AAK1: variants seen among roughly 807,000 people sequenced by gnomAD.
The protein encoded by AAK1 is AP2 associated kinase 1.
AAK1 carries 37 observed loss-of-function variants against 116.0 expected under a neutral mutation model. The observed-to-expected ratio is 0.32, with a 90% CI of 0.25 to 0.42. The LOEUF is 0.42. Ranked by LOEUF, AAK1 falls within the 10% of genes least tolerant of loss-of-function variation. The pLI, the probability that AAK1 is intolerant of heterozygous loss-of-function variation, is 1.00. For synonymous variants in AAK1, 458 were observed against 439.9 expected, an observed-to-expected ratio of 1.04 and a Z score of -0.51; for missense variants, 919 against 1,170.6, an observed-to-expected ratio of 0.79 and a Z score of 3.14.
chr2:69,589,708 C>CAAAAAA (rs762986666), intron 2 of AAK1, among the ~76,000 whole-genome samples: 1 of 58,668 alleles, frequency 1.7e-5, no homozygotes, highest in African/African-American at 5.3e-5. Context: ...AACTCTGTCT[C>CAAAAAA]AAAAAAAAAA....
rs1395100969 is a variant in AAK1 at position 69,525,014 on chromosome 2, T to C, written c.1055+19A>G. 4 of 1,610,984 alleles carry C rather than the reference T, an allele frequency of 2.5e-6. No individual in the cohort carries two copies. In the African/African-American group the frequency reaches 4.0e-5, roughly 16 times the overall value. Reference sequence around the variant, plus strand: ...GTGGCAATCCAAGGAGGACATGTGTTCATGAAGGCATTTCTTACCTGGCCT... The same window carrying C: ...GTGGCAATCCAAGGAGGACATGTGTCCATGAAGGCATTTCTTACCTGGCCT... On this transcript the variant is annotated intron_variant, in intron 10 of 21. Coordinates refer to ENST00000409085, the MANE Select transcript of AAK1 (RefSeq NM_014911.5).
chr2:69,638,554 T>G (rs905471763), intron 2 of AAK1, among the ~76,000 whole-genome samples: 8 of 152,300 alleles, frequency 5.3e-5, no homozygotes, highest in African/African-American at 1.9e-4. Context: ...CTTAAAGAAT[T>G]TCATTCTACC....
intron 2 of AAK1, among the ~76,000 whole-genome samples, chr2:69,557,452 C>G (rs1005838986): frequency 2.0e-5 from 3 of 152,050 alleles, no homozygotes; most frequent in Non-Finnish European, 4.4e-5. Context: ...CAGGTGTACA[C>G]CACCACTCCT....
chr2:69,505,986 C>A (rs981857063), intron 15 of AAK1, among the ~76,000 whole-genome samples: 2 of 152,196 alleles, frequency 1.3e-5, no homozygotes, highest in African/African-American at 4.8e-5. Flanking sequence ...TTTAATGCCT[C>A]CCGCCCTCAC....
rs867769209 is a variant in AAK1 at position 69,520,425 on chromosome 2, C to A, written c.1210+409G>T. ...CCAGGCTGGAGTGCAATGGCACGGTCTTGGCTCACTGCAACCTCTGCCTCC... is the reference window on the plus strand; with the variant it reads ...CCAGGCTGGAGTGCAATGGCACGGTATTGGCTCACTGCAACCTCTGCCTCC... On this transcript the variant is annotated intron_variant, in intron 11 of 21. Transcript: ENST00000409085. Among the ~76,000 whole-genome samples the A allele has an allele frequency of 8.2e-5, 12 of 146,872 alleles. No individual in the cohort carries two copies. The Middle Eastern group carries it at 0.011, about 129-fold the overall frequency.
At chr2:69,530,828 G>A (rs1007109961) in intron 6 of AAK1, 122 bp from the exon 7 acceptor site, 1 of 692,776 alleles carries the variant, frequency 1.4e-6, no homozygotes, top group African/African-American at 1.8e-5. Context: ...CTGCAGAAGA[G>A]AGTATGAAAT....
intron 10 of AAK1, among the ~76,000 whole-genome samples, chr2:69,521,276 A>G (rs1669765108): frequency 6.6e-6 from 1 of 152,202 alleles, no homozygotes. Flanking sequence ...AAAGAATGCT[A>G]TATAGTATTC....
chr2:69,567,979 T>C (rs990886374), intron 2 of AAK1, among the ~76,000 whole-genome samples: 10 of 152,188 alleles, frequency 6.6e-5, no homozygotes, highest in Admixed American at 5.9e-4. Context: ...CTCTTGGGCA[T>C]AAATTGTGCT....
intron 2 of AAK1, among the ~76,000 whole-genome samples, chr2:69,559,283 C>A (rs1474237749): frequency 7.7e-6 from 1 of 130,236 alleles, no homozygotes; most frequent in Non-Finnish European, 1.6e-5. Context: ...CACACACACA[C>A]ACACACACAC....
Position 69,467,968 on chromosome 2 carries a change from G to A in AAK1, c.*7901C>T, listed in dbSNP as rs898024069. 2 of 985,226 alleles carry A rather than the reference G, an allele frequency of 2.0e-6. No homozygotes were observed. The highest frequency in any genetic ancestry group is 2.4e-6 in the Non-Finnish European group (2 of 829,896). 61.0% of individuals were successfully genotyped at this position (985,226 alleles called of 1,614,324 possible). The stretch of plus-strand genomic sequence containing the variant: ...GTTCTGACCTTAAATATTGTTTTCA[G>A]AAACAGAACAAAAATGTGTTTGTCC... On this transcript the variant is annotated 3_prime_UTR_variant, in exon 22 of 22. Coordinates refer to ENST00000409085, the MANE Select transcript of AAK1 (RefSeq NM_014911.5).
At chr2:69,626,508 A>T (rs6754665) in intron 2 of AAK1, among the ~76,000 whole-genome samples, 64,481 of 149,234 alleles carry the variant, frequency 0.43, 14,544 homozygotes, top group East Asian at 0.74. Context: ...TATTATTATT[A>T]TTTTTTTTTG....
intron 2 of AAK1, among the ~76,000 whole-genome samples, chr2:69,614,761 A>G (rs557243666): frequency 6.6e-6 from 1 of 152,312 alleles, no homozygotes; most frequent in African/African-American, 2.4e-5. Flanking sequence ...GGCAGACCCT[A>G]AATCTAATGA....
At chr2:69,530,387 C>T (rs181789338) in intron 7 of AAK1, among the ~76,000 whole-genome samples, 5 of 152,164 alleles carry the variant, frequency 3.3e-5, no homozygotes, top group African/African-American at 4.8e-5. Flanking sequence ...TCTTAAGAAC[C>T]AGTAACATAT....
At position 69,551,711 on chromosome 2, in the gene AAK1, T is replaced by C. The variant is rs560585483; in HGVS notation, c.282+5149A>G. ...TTTAGGTCTGAAGATAATTAATCTT[T>C]TCCTGCTTTCAGGCAAAGGGATCAG... On this transcript the variant is annotated intron_variant, in intron 3 of 21. Transcript: ENST00000409085. 2.6e-5 allele frequency among the ~76,000 whole-genome samples: 4 copies of C among 152,326 alleles called. No individual in the cohort carries two copies. In the South Asian group the frequency reaches 8.3e-4, roughly 32 times the overall value.
At chr2:69,505,324 T>C (rs1425934657) in intron 16 of AAK1, among the ~76,000 whole-genome samples, 1 of 152,216 alleles carries the variant, frequency 6.6e-6, no homozygotes, top group Non-Finnish European at 1.5e-5. Context: ...TGCATATTAC[T>C]GCCAGACTGT....
intron 2 of AAK1, among the ~76,000 whole-genome samples, chr2:69,633,124 CAGG>C (rs1230667111): frequency 6.7e-6 from 1 of 149,604 alleles, no homozygotes; most frequent in Non-Finnish European, 1.5e-5. Context: ...AGCCGACAGG[CAGG>C]AGAATGGCAT....
In AAK1 at chr2:69,466,034, A is replaced by AC; in HGVS notation, c.*9834dup. The stretch of plus-strand genomic sequence containing the variant: ...ACTCCTCTGGCTGGGAAGGAGCCAT[A>AC]CTGCTCTTGGAGACAAATGGGGCTT... On this transcript the variant is annotated 3_prime_UTR_variant, in exon 22 of 22. Transcript: ENST00000409085. 3 of 1,290,944 alleles carry AC rather than the reference A, an allele frequency of 2.3e-6. No homozygotes were observed. The highest frequency in any genetic ancestry group is 3.0e-6 in the Non-Finnish European group (3 of 988,876). 80.0% of individuals were successfully genotyped at this position (1,290,944 alleles called of 1,614,324 possible).
chr2:69,534,098 T>C (rs969317873), intron 5 of AAK1, among the ~76,000 whole-genome samples: 2 of 152,234 alleles, frequency 1.3e-5, no homozygotes, highest in Non-Finnish European at 2.9e-5. Flanking sequence ...AGCTTTATTA[T>C]TGCCAGTACT....
At chr2:69,552,430 T>G (rs1671219864) in intron 3 of AAK1, among the ~76,000 whole-genome samples, 1 of 152,026 alleles carries the variant, frequency 6.6e-6, no homozygotes, top group Non-Finnish European at 1.5e-5. Context: ...TAAGTCAAAA[T>G]GGCTAGCTGC....
Sources: gnomAD v4.1 joint callset for allele counts (sites outside exome capture counted in the v4.1 genomes callset) on GRCh38, gnomAD v4.1.1 for gene constraint, MANE v1.5 for transcripts, NCBI Gene and HGNC (gene_info 2026-07-23, HGNC 2026-07-21) for gene names.